The following MOB1B variants were observed in gnomAD, a reference collection of about 807,000 sequenced individuals.
The protein encoded by MOB1B is MOB1 Mps One Binder homolog B.
MOB1B carries 19 observed loss-of-function variants against 24.4 expected under a neutral mutation model. The observed-to-expected ratio is 0.78, with a 90% confidence interval of 0.54 to 1.14. The LOEUF is 1.14. Among genes scored for constraint, MOB1B ranks in the 50% most tolerant of loss-of-function variants. The pLI, the probability that MOB1B is intolerant of heterozygous loss-of-function variation, is 0.00. For missense variants in MOB1B, 243 were observed against 259.6 expected, an observed-to-expected ratio of 0.94 and a Z score of 0.44; for synonymous variants, 76 against 82.1, an observed-to-expected ratio of 0.93 and a Z score of 0.40.
At chr4:70,918,962 G>A (rs1003415309) in intron 1 of MOB1B, among the ~76,000 whole-genome samples, 1 of 152,116 alleles carries the variant, frequency 6.6e-6, no homozygotes, top group African/African-American at 2.4e-5. Context: ...TATACACCAT[G>A]GAATACTATG....
chr4:70,907,826 A>C (rs1278712696), intron 1 of MOB1B, among the ~76,000 whole-genome samples: 1 of 152,004 alleles, frequency 6.6e-6, no homozygotes, highest in East Asian at 1.9e-4. Context: ...AAATAATTTA[A>C]AAAGAGACTG....
intron 1 of MOB1B, among the ~76,000 whole-genome samples, chr4:70,933,542 C>CTTTTTTTT (rs34950388): frequency 3.3e-5 from 3 of 91,616 alleles, no homozygotes; most frequent in Non-Finnish European, 6.7e-5. Context: ...AAAAATAACT[C>CTTTTTTTT]TTTTTTTTTT....
intron 1 of MOB1B, among the ~76,000 whole-genome samples, chr4:70,917,093 G>A (rs1476492761): frequency 6.6e-6 from 1 of 152,162 alleles, no homozygotes; most frequent in East Asian, 1.9e-4. Flanking sequence ...TTGGAAAAAG[G>A]ACCTAACAAA....
chr4:70,921,481 T>TCTCCG (rs1736434622), intron 1 of MOB1B, among the ~76,000 whole-genome samples: 3 of 38,378 alleles, frequency 7.8e-5, no homozygotes, highest in African/African-American at 2.4e-4. Context: ...TCTTCTCTTC[T>TCTCCG]CTCCCCTCCC....
At chr4:70,920,120 C>T (rs1736362001) in intron 1 of MOB1B, among the ~76,000 whole-genome samples, 1 of 152,122 alleles carries the variant, frequency 6.6e-6, no homozygotes, top group Non-Finnish European at 1.5e-5. Context: ...TAAAACTATC[C>T]TTATTTCCCA....
At chr4:70,956,671 C>G (rs1412407814) in intron 1 of MOB1B, among the ~76,000 whole-genome samples, 1 of 152,114 alleles carries the variant, frequency 6.6e-6, no homozygotes, top group Admixed American at 6.6e-5. Context: ...CTGCCCGCCT[C>G]GACCTCCCAA....
At chr4:70,958,571 T>C in intron 1 of MOB1B, 1 of 399,762 alleles carries the variant, frequency 2.5e-6, no homozygotes. Context: ...TTTATTAGAA[T>C]GAGAGACTTA....
chr4:70,963,373 T>G (rs931707098), intron 2 of MOB1B, among the ~76,000 whole-genome samples: 1 of 151,214 alleles, frequency 6.6e-6, no homozygotes, highest in African/African-American at 2.4e-5. Flanking sequence ...AAAAATGAAA[T>G]AAAATAGAAT....
chr4:70,979,603 T>A (rs1739123292), intron 5 of MOB1B, among the ~76,000 whole-genome samples: 2 of 152,204 alleles, frequency 1.3e-5, no homozygotes, highest in African/African-American at 4.8e-5. Context: ...GAACTGGTTC[T>A]CCTGGGCATT....
chr4:70,916,274 G>T (rs781483182), intron 1 of MOB1B, among the ~76,000 whole-genome samples: 6 of 152,174 alleles, frequency 3.9e-5, no homozygotes, highest in African/African-American at 1.4e-4. Flanking sequence ...GTCTCAGCAC[G>T]TCATTCATAG....
intron 1 of MOB1B, among the ~76,000 whole-genome samples, chr4:70,915,923 T>C (rs1335495388): frequency 6.6e-6 from 1 of 152,146 alleles, no homozygotes; most frequent in Non-Finnish European, 1.5e-5. Flanking sequence ...TGATGGTCTC[T>C]AGGCGAGAGG....
At position 70,969,993 on chromosome 4, in the gene MOB1B, G is replaced by A. The variant is rs1329296490; in HGVS notation, c.244G>A (p.Glu82Lys). The A allele has an allele frequency of 5.6e-6, 9 of 1,603,286 alleles. No individual in the cohort carries two copies. Among genetic ancestry groups the A allele is most frequent in the Non-Finnish European group, 7.7e-6 (9 of 1,173,790 alleles). Reference protein sequence around the residue: ...YGTITDFCTEESCPVMSAGPK... With the variant: ...YGTITDFCTEKSCPVMSAGPK... ...AACTATCACAGACTTCTGTACAGAA[G>A]AGAGTTGTCCAGTGATGTCAGCTGG... is the stretch of plus-strand genomic sequence containing the variant. The change falls in exon 3 of 6, where the codon GAG becomes AAG. Residue 82 changes from glutamate (E) to lysine (K), a missense_variant. By Grantham distance (56) the Glu-to-Lys change is moderately conservative. Coordinates refer to ENST00000309395, the MANE Select transcript of MOB1B (RefSeq NM_173468.4).
intron 1 of MOB1B, among the ~76,000 whole-genome samples, chr4:70,954,309 T>C (rs1375141175): frequency 6.6e-6 from 1 of 152,062 alleles, no homozygotes; most frequent in East Asian, 1.9e-4. Flanking sequence ...ACAGGTAGTG[T>C]TCATGTTTTG....
rs777088819 is a variant in MOB1B at position 70,982,418 on chromosome 4, A to C, written c.*361A>C. On this transcript the variant is annotated 3_prime_UTR_variant, in exon 6 of 6. Transcript: ENST00000309395. ...ATTGTGGCCCATTTATGAAGTCCCCAAAAGAGTTATGTTTTTAAGTGCCTT... is the reference window on the plus strand; with the variant it reads ...ATTGTGGCCCATTTATGAAGTCCCCCAAAGAGTTATGTTTTTAAGTGCCTT... 5.8e-6 allele frequency: 1 copy of C among 170,982 alleles called. No homozygotes were observed. 10.6% of individuals were successfully genotyped at this position (170,982 alleles called of 1,614,324 possible).
At chr4:70,912,737 G>A (rs933708817) in intron 1 of MOB1B, among the ~76,000 whole-genome samples, 2 of 152,142 alleles carry the variant, frequency 1.3e-5, no homozygotes, top group African/African-American at 4.8e-5. Flanking sequence ...ATCATGTATT[G>A]CATCCACTTA....
At chr4:70,916,593 A>T (rs901792836) in intron 1 of MOB1B, among the ~76,000 whole-genome samples, 1 of 151,864 alleles carries the variant, frequency 6.6e-6, no homozygotes, top group African/African-American at 2.4e-5. Context: ...TTTGAGACAG[A>T]GTCTTGCTAT....
intron 1 of MOB1B, among the ~76,000 whole-genome samples, chr4:70,954,042 C>G (rs1737924593): frequency 6.6e-6 from 1 of 152,008 alleles, no homozygotes; most frequent in Non-Finnish European, 1.5e-5. Flanking sequence ...ATGGCCTGAA[C>G]CTTTCAGCGT....
intron 1 of MOB1B, among the ~76,000 whole-genome samples, chr4:70,940,150 C>T (rs1308772247): frequency 6.6e-6 from 1 of 151,978 alleles, no homozygotes; most frequent in Non-Finnish European, 1.5e-5. Context: ...TTGTGTCTCT[C>T]CTGTTAGGGT....
rs956569267 is a variant in MOB1B, at chr4:70,973,830, T to G, written c.276-1323T>G. On this transcript the variant is annotated intron_variant, in intron 3 of 5. Transcript: ENST00000309395. Reference sequence around the variant, plus strand: ...TAATTCAGGTATAGCTTGTTTAGTATTATTGTTCAGGTATAAGTAGTTCTG... The same window carrying G: ...TAATTCAGGTATAGCTTGTTTAGTAGTATTGTTCAGGTATAAGTAGTTCTG... Among the ~76,000 whole-genome samples, 104 of 152,330 alleles carry G rather than the reference T, an allele frequency of 6.8e-4. 1 individual carries two copies. Among genetic ancestry groups the G allele is most frequent in the African/African-American group, 2.4e-3 (100 of 41,574 alleles).
Sources: allele counts gnomAD v4.1 joint callset (sites outside exome capture counted in the v4.1 genomes callset), GRCh38; gene constraint gnomAD v4.1.1; transcripts MANE v1.5; gene names NCBI Gene and HGNC (gene_info 2026-07-23, HGNC 2026-07-21).